KLHL29: variants seen among roughly 807,000 people sequenced by gnomAD.
The protein encoded by KLHL29 is kelch-like protein 29.
In KLHL29, 21 loss-of-function variants were observed where a neutral mutation model predicts 80.4. The observed-to-expected ratio is 0.26, with a 90% confidence interval of 0.19 to 0.38. The LOEUF (loss-of-function observed/expected upper bound fraction) is 0.38, where lower values mean the gene tolerates loss of function less well. Ranked by LOEUF, KLHL29 falls within the 10% of genes least tolerant of loss-of-function variation. The pLI is 1.00. For missense variants in KLHL29, 867 were observed against 1,223.9 expected (o/e 0.71, Z 4.35); for synonymous variants, 511 against 526.8 (o/e 0.97, Z 0.41).
At chr2:23,492,639 G>A (rs1339533503) in intron 2 of KLHL29, among the ~76,000 whole-genome samples, 1 of 152,208 alleles carries the variant, frequency 6.6e-6, no homozygotes, top group African/African-American at 2.4e-5. Flanking sequence ...ATCTGGGGCT[G>A]GGTCCTTTAG....
chr2:23,450,941 T>C (rs1123258), intron 1 of KLHL29, among the ~76,000 whole-genome samples: 22,219 of 152,156 alleles, frequency 0.15, 2,772 homozygotes, highest in African/African-American at 0.32. Context: ...TAATCTATTG[T>C]TTTTTTCTTT....
chr2:23,417,692 C>T (rs535967306), intron 1 of KLHL29, among the ~76,000 whole-genome samples: 10 of 152,280 alleles, frequency 6.6e-5, no homozygotes, highest in African/African-American at 2.2e-4. Flanking sequence ...TCCAGCCTCA[C>T]CTTTCTCTCC....
At chr2:23,488,390 G>A (rs1198736837) in intron 2 of KLHL29, among the ~76,000 whole-genome samples, 4 of 152,186 alleles carry the variant, frequency 2.6e-5, no homozygotes, top group African/African-American at 7.2e-5. Flanking sequence ...GCTCAGTCTC[G>A]TCTCAGCACT....
intron 2 of KLHL29, among the ~76,000 whole-genome samples, chr2:23,480,058 A>T (rs1228747349): frequency 6.6e-6 from 1 of 152,244 alleles, no homozygotes; most frequent in African/African-American, 2.4e-5. Flanking sequence ...TCTGAGCCTC[A>T]GTCTTCTGAG....
intron 6 of KLHL29, among the ~76,000 whole-genome samples, chr2:23,685,826 C>G (rs1170049141): frequency 6.6e-6 from 1 of 152,220 alleles, no homozygotes; most frequent in East Asian, 1.9e-4. Context: ...TTGACAAATC[C>G]TGGACAGCAG....
chr2:23,580,046 C>T (rs1667940912), intron 3 of KLHL29, among the ~76,000 whole-genome samples: 1 of 152,198 alleles, frequency 6.6e-6, no homozygotes, highest in Non-Finnish European at 1.5e-5. Flanking sequence ...GAGATAACAA[C>T]AGTACTGCCT....
intron 5 of KLHL29, among the ~76,000 whole-genome samples, chr2:23,662,307 A>G (rs1200155232): frequency 2.0e-5 from 3 of 152,220 alleles, no homozygotes; most frequent in East Asian, 1.9e-4. Flanking sequence ...CTGTCTTACT[A>G]TCGCCCACCA....
chr2:23,461,937 A>C (rs573758451), intron 1 of KLHL29, among the ~76,000 whole-genome samples: 14 of 147,586 alleles, frequency 9.5e-5, no homozygotes, highest in Admixed American at 2.7e-4. Context: ...TGAGGTTCCC[A>C]GGTATTAGTT....
At chr2:23,671,457 G>A (rs955417267) in intron 5 of KLHL29, among the ~76,000 whole-genome samples, 15 of 152,272 alleles carry the variant, frequency 9.9e-5, no homozygotes, top group Admixed American at 2.6e-4. Context: ...ACAACAAAGC[G>A]AGGTTTCATG....
At position 23,408,996 on chromosome 2, in the gene KLHL29, G is replaced by T. The variant is rs982751560; in HGVS notation, c.-154+23216G>T. On this transcript the variant is annotated intron_variant, in intron 1 of 13. Coordinates refer to ENST00000486442, the MANE Select transcript of KLHL29 (RefSeq NM_052920.2). ...TCACAGCTCTGCCTTGTTGGGGGGT[G>T]TGTGAGGGGCTAATCATAAAGAATA... 4.6e-5 allele frequency among the ~76,000 whole-genome samples: 7 copies of T among 152,264 alleles called. No individual in the cohort carries two copies. In the South Asian group the frequency reaches 8.3e-4, roughly 18 times the overall value.
chr2:23,532,584 ACTTC>A (rs1666526323), intron 2 of KLHL29: 1 of 456,574 alleles, frequency 2.2e-6, no homozygotes, highest in Non-Finnish European at 4.4e-6. Flanking sequence ...AAGCTAAAAC[ACTTC>A]CTTCAAGAAT....
chr2:23,519,027 C>T (rs1350678990), intron 2 of KLHL29, among the ~76,000 whole-genome samples: 2 of 152,108 alleles, frequency 1.3e-5, no homozygotes, highest in South Asian at 2.1e-4. Context: ...GGCTGCCAGG[C>T]GGCATGTGGA....
intron 3 of KLHL29, among the ~76,000 whole-genome samples, chr2:23,567,737 G>A (rs1371538865): frequency 6.6e-6 from 1 of 152,176 alleles, no homozygotes; most frequent in East Asian, 1.9e-4. Context: ...CATTCCTCTT[G>A]TATTCACATT....
chr2:23,520,665 G>A (rs557226951), intron 2 of KLHL29, among the ~76,000 whole-genome samples: 128 of 152,264 alleles, frequency 8.4e-4, no homozygotes, highest in African/African-American at 2.7e-3. Context: ...GACTATTTAC[G>A]TACTCCCAAC....
chr2:23,663,078 G>T (rs1165244701), intron 5 of KLHL29, among the ~76,000 whole-genome samples: 1 of 152,174 alleles, frequency 6.6e-6, no homozygotes, highest in Non-Finnish European at 1.5e-5. Context: ...AGGGTGGCAG[G>T]TGGGAGGAGG....
chr2:23,458,099 A>G lies in KLHL29; in HGVS notation c.-153-17461A>G, dbSNP rs1430678105. On this transcript the variant is annotated intron_variant, in intron 1 of 13. Transcript: ENST00000486442. Reference sequence around the variant, plus strand: ...GGGTCAGCATGTCAGTAACAGTGCTATAGGCGTCAGTGCACGTCTGCAGGT... The same window carrying G: ...GGGTCAGCATGTCAGTAACAGTGCTGTAGGCGTCAGTGCACGTCTGCAGGT... 5.3e-5 allele frequency among the ~76,000 whole-genome samples: 8 copies of G among 152,340 alleles called. No homozygotes were observed. The South Asian group carries it at 1.2e-3, about 24-fold the overall frequency.
chr2:23,501,296 G>A (rs956070731), intron 2 of KLHL29, among the ~76,000 whole-genome samples: 5 of 151,936 alleles, frequency 3.3e-5, no homozygotes, highest in Admixed American at 6.6e-5. Context: ...TTCCTGCTTT[G>A]GAATAGGGGG....
At chr2:23,528,508 A>G (rs1666393468) in intron 2 of KLHL29, among the ~76,000 whole-genome samples, 1 of 152,208 alleles carries the variant, frequency 6.6e-6, no homozygotes, top group Non-Finnish European at 1.5e-5. Flanking sequence ...TGGGCTGTAC[A>G]GGACGAGGCC....
intron 11 of KLHL29, among the ~76,000 whole-genome samples, chr2:23,701,907 T>TC (rs1672410146): frequency 6.6e-6 from 1 of 151,108 alleles, no homozygotes; most frequent in Non-Finnish European, 1.5e-5. Flanking sequence ...TTCAAGCAGT[T>TC]CTTCTGCCTC....
Sources: gnomAD v4.1 joint callset for allele counts (sites outside exome capture counted in the v4.1 genomes callset) on GRCh38, gnomAD v4.1.1 for gene constraint, MANE v1.5 for transcripts, NCBI Gene and HGNC (gene_info 2026-07-23, HGNC 2026-07-21) for gene names.